Variants in CNTN5 observed in about 807,000 individuals in gnomAD.
CNTN5 encodes the protein contactin-5.
A neutral mutation model predicts 129.1 loss-of-function variants in CNTN5; 77 were observed. The observed-to-expected ratio is 0.60, with a 90% CI of 0.50 to 0.72. The LOEUF (loss-of-function observed/expected upper bound fraction) is 0.72, where lower values mean the gene tolerates loss of function less well. CNTN5 is among the 30% of genes least tolerant of loss of function. The probability of loss-of-function intolerance (pLI) is 0.00; values close to 1 mark genes in which losing one functional copy is unlikely to be tolerated. For synonymous variants in CNTN5, 509 were observed against 465.6 expected (o/e 1.09, Z -1.20); for missense variants, 1,478 against 1,328.8 (o/e 1.11, Z -1.75).
At chr11:99,238,369 A>G (rs1291175137) in intron 1 of CNTN5, among the ~76,000 whole-genome samples, 1 of 152,156 alleles carries the variant, frequency 6.6e-6, no homozygotes, top group East Asian at 1.9e-4. Context: ...ATTGGCATAA[A>G]ATGCAATCTG....
chr11:99,160,391 T>C (rs935233092), intron 1 of CNTN5, among the ~76,000 whole-genome samples: 1 of 152,214 alleles, frequency 6.6e-6, no homozygotes, highest in African/African-American at 2.4e-5. Context: ...ATAAGCTATA[T>C]GTGGGGTGAA....
intron 1 of CNTN5, among the ~76,000 whole-genome samples, chr11:99,259,560 G>A (rs1408122355): frequency 6.6e-6 from 1 of 151,666 alleles, no homozygotes; most frequent in Non-Finnish European, 1.5e-5. Flanking sequence ...TGATAGGCAT[G>A]GTCTTTGTTT....
intron 6 of CNTN5, among the ~76,000 whole-genome samples, chr11:99,853,006 T>C (rs547827452): frequency 3.3e-5 from 5 of 152,272 alleles, no homozygotes; most frequent in Non-Finnish European, 7.4e-5. Flanking sequence ...AATATCAGGA[T>C]GACTTATGAT....
At chr11:100,279,828 C>T (rs1179385015) in intron 18 of CNTN5, among the ~76,000 whole-genome samples, 3 of 149,026 alleles carry the variant, frequency 2.0e-5, no homozygotes, top group Non-Finnish European at 4.5e-5. Flanking sequence ...TTTTCTTCTA[C>T]TAATTTTGGG....
chr11:99,845,019 T>C (rs753128898), intron 5 of CNTN5, 44 bp downstream of exon 5: 1 of 1,609,580 alleles, frequency 6.2e-7, no homozygotes, highest in South Asian at 1.1e-5. Flanking sequence ...CTTAAAAACT[T>C]TCCATCAATG....
intron 3 of CNTN5, among the ~76,000 whole-genome samples, chr11:99,773,551 T>A (rs989329303): frequency 6.6e-6 from 1 of 152,100 alleles, no homozygotes; most frequent in Non-Finnish European, 1.5e-5. Flanking sequence ...GAAGAATTTT[T>A]ATTGAAATAA....
intron 1 of CNTN5, among the ~76,000 whole-genome samples, chr11:99,116,112 T>G (rs1290332692): frequency 6.6e-6 from 1 of 152,218 alleles, no homozygotes; most frequent in African/African-American, 2.4e-5. Context: ...TGCATTCATT[T>G]CTTCACAATA....
At chr11:100,146,378 T>C (rs898634825) in intron 13 of CNTN5, among the ~76,000 whole-genome samples, 1 of 152,190 alleles carries the variant, frequency 6.6e-6, no homozygotes, top group Non-Finnish European at 1.5e-5. Flanking sequence ...ATTACTTTTA[T>C]ATTTTCTAAT....
chr11:99,616,957 A>T (rs530383052), intron 3 of CNTN5, among the ~76,000 whole-genome samples: 10,560 of 152,202 alleles, frequency 0.069, 409 homozygotes, highest in East Asian at 0.11. Context: ...CTAAAAATAT[A>T]AAAATTAGCT....
At chr11:100,030,240 A>G (rs923540063) in intron 9 of CNTN5, among the ~76,000 whole-genome samples, 1 of 152,042 alleles carries the variant, frequency 6.6e-6, no homozygotes, top group African/African-American at 2.4e-5. Flanking sequence ...AAGACTAGCT[A>G]TAGTGGAATG....
chr11:99,220,585 AT>A (rs1860349579), intron 1 of CNTN5, among the ~76,000 whole-genome samples: 1 of 151,972 alleles, frequency 6.6e-6, no homozygotes, highest in Non-Finnish European at 1.5e-5. Flanking sequence ...GAGGAAAGTC[AT>A]TACAAAAGTT....
intron 1 of CNTN5, among the ~76,000 whole-genome samples, chr11:99,186,744 A>T (rs1238518666): frequency 2.0e-5 from 3 of 151,966 alleles, no homozygotes; most frequent in Non-Finnish European, 2.9e-5. Context: ...AATCTGTAAA[A>T]TAAGACCAGA....
chr11:100,217,357 G>C (rs1439639401), intron 15 of CNTN5, among the ~76,000 whole-genome samples: 1 of 152,148 alleles, frequency 6.6e-6, no homozygotes, highest in African/African-American at 2.4e-5. Context: ...GAAGAACATA[G>C]TTGCAAAAGT....
intron 3 of CNTN5, among the ~76,000 whole-genome samples, chr11:99,784,303 C>T (rs1377896071): frequency 2.6e-5 from 4 of 151,940 alleles, no homozygotes; most frequent in East Asian, 3.9e-4. Flanking sequence ...TCCCTTAGCC[C>T]CCCACCCCCA....
At chr11:99,051,891 G>C (rs1168824332) in intron 1 of CNTN5, among the ~76,000 whole-genome samples, 2 of 151,810 alleles carry the variant, frequency 1.3e-5, no homozygotes, top group Non-Finnish European at 2.9e-5. Flanking sequence ...ACAATAATAG[G>C]GAAACAATAT....
At chr11:99,721,104 C>T (rs1013636263) in intron 3 of CNTN5, among the ~76,000 whole-genome samples, 1 of 152,120 alleles carries the variant, frequency 6.6e-6, no homozygotes. Flanking sequence ...TGTCAAATTA[C>T]CATCAGAATT....
At chr11:99,939,575 A>C (rs1290889773) in intron 7 of CNTN5, among the ~76,000 whole-genome samples, 2 of 152,112 alleles carry the variant, frequency 1.3e-5, no homozygotes, top group Non-Finnish European at 2.9e-5. Context: ...GAAAAATGAC[A>C]ATCTAATAGT....
intron 1 of CNTN5, among the ~76,000 whole-genome samples, chr11:99,256,421 G>T (rs1434308512): frequency 1.3e-5 from 2 of 151,936 alleles, no homozygotes; most frequent in African/African-American, 4.8e-5. Flanking sequence ...TAAGAGTGAA[G>T]AACTATTACA....
intron 2 of CNTN5, among the ~76,000 whole-genome samples, chr11:99,543,040 C>G (rs542590247): frequency 5.0e-4 from 76 of 152,300 alleles, no homozygotes; most frequent in African/African-American, 1.8e-3. Context: ...TTGGCCACCT[C>G]TATTAAATTT....
Sources: gnomAD v4.1 joint callset for allele counts (sites outside exome capture counted in the v4.1 genomes callset) on GRCh38, gnomAD v4.1.1 for gene constraint, MANE v1.5 for transcripts, NCBI Gene and HGNC (gene_info 2026-07-23, HGNC 2026-07-21) for gene names.